Variants in LAMA2 observed in about 807,000 individuals in gnomAD.
LAMA2 encodes the protein laminin subunit alpha-2.
A neutral mutation model predicts 364.8 loss-of-function variants in LAMA2; 269 were observed. The observed-to-expected ratio is 0.74, with a 90% CI of 0.67 to 0.82. The LOEUF (loss-of-function observed/expected upper bound fraction) is 0.82. LAMA2 is among the 40% of genes least tolerant of loss of function. The pLI, the probability that LAMA2 is intolerant of heterozygous loss-of-function variation, is 0.00. For synonymous variants in LAMA2, 1,379 were observed against 1,370.6 expected (o/e 1.01, Z -0.14); for missense variants, 3,807 against 3,873.2 (o/e 0.98, Z 0.45).
chr6:128,990,845 C>A (rs538802503), intron 1 of LAMA2, among the ~76,000 whole-genome samples: 1 of 151,972 alleles, frequency 6.6e-6, no homozygotes, highest in African/African-American at 2.4e-5. Context: ...ATAAATTATA[C>A]AGTATTATAT....
rs374023970 is a variant in LAMA2 at position 129,425,010 on chromosome 6, G to A, written c.5866-2742G>A. Among the ~76,000 whole-genome samples the A allele has an allele frequency of 4.7e-4, 72 of 152,014 alleles. No homozygotes were observed. The South Asian group carries it at 0.014, about 29-fold the overall frequency. On this transcript the variant is annotated intron_variant, in intron 40 of 64. Coordinates refer to ENST00000421865, the MANE Select transcript of LAMA2 (RefSeq NM_000426.4). ...GTTGAAACTATGTTGAGTGAAAGAAGCCAGACAAAAAGAGAGTACATGCAG... is the reference window on the plus strand; with the variant it reads ...GTTGAAACTATGTTGAGTGAAAGAAACCAGACAAAAAGAGAGTACATGCAG...
intron 1 of LAMA2, among the ~76,000 whole-genome samples, chr6:128,959,089 T>C (rs1781325119): frequency 6.6e-6 from 1 of 152,194 alleles, no homozygotes; most frequent in East Asian, 1.9e-4. Flanking sequence ...CTCTTTTCTT[T>C]TTTGTACATC....
chr6:129,201,586 C>A (rs1464056960), intron 12 of LAMA2, among the ~76,000 whole-genome samples: 2 of 152,158 alleles, frequency 1.3e-5, no homozygotes, highest in Admixed American at 1.3e-4. Context: ...TCTAGGTTCA[C>A]CCCAACAAAT....
chr6:128,920,163 CT>C (rs754182409), intron 1 of LAMA2, among the ~76,000 whole-genome samples: 417 of 142,976 alleles, frequency 2.9e-3, no homozygotes, highest in Middle Eastern at 3.7e-3. Flanking sequence ...TTTTTCTTTT[CT>C]TTTTTTTTTT....
At chr6:129,302,560 G>T (rs1378388487) in intron 22 of LAMA2, among the ~76,000 whole-genome samples, 1 of 152,004 alleles carries the variant, frequency 6.6e-6, no homozygotes, top group Non-Finnish European at 1.5e-5. Flanking sequence ...AAGGTCCAAA[G>T]ATTTCTCTCC....
At chr6:129,408,962 A>G (rs1405593516) in intron 40 of LAMA2, among the ~76,000 whole-genome samples, 3 of 152,202 alleles carry the variant, frequency 2.0e-5, no homozygotes, top group African/African-American at 7.2e-5. Context: ...TTGACCACTC[A>G]GAGAGGTCCA....
rs753580084 is a variant in LAMA2 at position 129,512,380 on chromosome 6, G to C, written c.8875G>C (p.Gly2959Arg). The C allele has an allele frequency of 1.2e-6, 2 of 1,613,592 alleles. No individual in the cohort carries two copies. Among genetic ancestry groups the C allele is most frequent in the African/African-American group, 1.3e-5 (1 of 75,026 alleles). ...FAKAVGGFKV[G>R]LDLLVEFEFR... ...TTTTACAGTTGGTGGATTCAAAGTG[G>C]GATTGGACCTTCTTGTAGAATTTGA... Residue 2959 changes from glycine to arginine, a missense_variant, in exon 63 of 65, where the codon GGA becomes CGA. Transcript: ENST00000421865.
chr6:129,075,693 T>C (rs1327557771), intron 3 of LAMA2, among the ~76,000 whole-genome samples: 3 of 152,074 alleles, frequency 2.0e-5, no homozygotes, highest in Non-Finnish European at 2.9e-5. Flanking sequence ...TCCTAGGAGT[T>C]TGGCCTGAAG....
intron 3 of LAMA2, among the ~76,000 whole-genome samples, chr6:129,066,057 T>TTTTC (rs1482899876): frequency 2.7e-5 from 3 of 110,448 alleles, no homozygotes; most frequent in Non-Finnish European, 3.9e-5. Context: ...TTTTTTTTTT[T>TTTTC]TTTTTTGAGA....
intron 12 of LAMA2, among the ~76,000 whole-genome samples, chr6:129,224,063 C>T (rs959601427): frequency 2.0e-5 from 3 of 152,136 alleles, no homozygotes; most frequent in East Asian, 1.9e-4. Flanking sequence ...TCCTTCACAT[C>T]CCTTGTAAGT....
chr6:129,039,841 G>C (rs991630207), intron 1 of LAMA2, among the ~76,000 whole-genome samples: 2 of 152,190 alleles, frequency 1.3e-5, no homozygotes. Context: ...GCAGAGCTCA[G>C]GTGGTAATGC....
At chr6:128,993,235 A>C (rs1415288791) in intron 1 of LAMA2, among the ~76,000 whole-genome samples, 1 of 152,230 alleles carries the variant, frequency 6.6e-6, no homozygotes, top group East Asian at 1.9e-4. Flanking sequence ...TCTTTTCCAT[A>C]TGAAGATATT....
intron 1 of LAMA2, among the ~76,000 whole-genome samples, chr6:128,977,742 C>T (rs1782620396): frequency 6.6e-6 from 1 of 152,178 alleles, no homozygotes; most frequent in Non-Finnish European, 1.5e-5. Flanking sequence ...GTCTCCACTT[C>T]ACAAAATTAA....
At position 129,289,359 on chromosome 6, in the gene LAMA2, T is replaced by C. The variant is rs1789517595; in HGVS notation, c.2749+1301T>C. On this transcript the variant is annotated intron_variant, in intron 19 of 64. Transcript: ENST00000421865. ...TTGACCTCCTTGAGACACAGTTTTC[T>C]AGTCTACAAAGAGAGTCATGAATTT... Among the ~76,000 whole-genome samples, 4 of 152,174 alleles carry C rather than the reference T, an allele frequency of 2.6e-5. No homozygotes were observed. In the South Asian group the frequency reaches 8.3e-4, roughly 32 times the overall value.
intron 1 of LAMA2, among the ~76,000 whole-genome samples, chr6:128,991,356 C>T (rs546305336): frequency 6.6e-6 from 1 of 152,262 alleles, no homozygotes; most frequent in South Asian, 2.1e-4. Flanking sequence ...GTATGAAACA[C>T]TATTGCCATT....
intron 1 of LAMA2, among the ~76,000 whole-genome samples, chr6:128,910,878 C>G (rs1294349903): frequency 1.3e-5 from 2 of 151,418 alleles, no homozygotes; most frequent in Non-Finnish European, 2.9e-5. Context: ...AACTGCAGGT[C>G]TGTTGGAGTA....
rs768983341 is a variant in LAMA2 at position 129,514,557 on chromosome 6, C to G, written c.9173C>G (p.Ala3058Gly). 6.2e-6 allele frequency: 10 copies of G among 1,614,024 alleles called. No individual in the cohort carries two copies. The South Asian group carries it at 1.1e-4, about 18-fold the overall frequency. Residue 3058 changes from alanine (A) to glycine (G), a missense_variant, in exon 64 of 65, where the codon GCT becomes GGT. Physicochemically the swap from Ala to Gly is moderately conservative, Grantham distance 60. Transcript: ENST00000421865. ...AGCCCAAACCCAGCATCTACATCAG[C>G]TGACACAAATGACCCTGTGTTTGTT... Reference protein sequence around the residue: ...AQSPNPASTSADTNDPVFVGG... With the variant: ...AQSPNPASTSGDTNDPVFVGG...
intron 12 of LAMA2, among the ~76,000 whole-genome samples, chr6:129,229,447 G>A (rs1187347616): frequency 2.6e-5 from 4 of 152,104 alleles, no homozygotes; most frequent in African/African-American, 9.7e-5. Context: ...TGAAGGATAT[G>A]GGGAAGGGGA....
chr6:129,172,744 G>A (rs1780278390), intron 9 of LAMA2, among the ~76,000 whole-genome samples: 3 of 151,988 alleles, frequency 2.0e-5, no homozygotes, highest in South Asian at 2.1e-4. Context: ...AATCAAGCCT[G>A]GGCAATGGCG....
Sources: allele counts gnomAD v4.1 joint callset (sites outside exome capture counted in the v4.1 genomes callset), GRCh38; gene constraint gnomAD v4.1.1; transcripts MANE v1.5; gene names NCBI Gene and HGNC (gene_info 2026-07-23, HGNC 2026-07-21).